The following FMN1 variants were observed in gnomAD, a reference collection of about 807,000 sequenced individuals.
FMN1 encodes the protein formin-1.
A neutral mutation model predicts 132.4 loss-of-function variants in FMN1; 110 were observed. That is an observed-to-expected ratio of 0.83 (90% CI 0.71 to 0.97). The LOEUF is 0.97. FMN1 is among the 50% of genes least tolerant of loss of function. The pLI is 0.00. For missense variants in FMN1, 1,792 were observed against 1,705.3 expected, an observed-to-expected ratio of 1.05 and a Z score of -0.90; for synonymous variants, 722 against 651.7, an observed-to-expected ratio of 1.11 and a Z score of -1.64.
chr15:32,946,043 C>T (rs201834897), intron 9 of FMN1, among the ~76,000 whole-genome samples: 2 of 152,104 alleles, frequency 1.3e-5, no homozygotes, highest in East Asian at 3.8e-4. Flanking sequence ...CACTGAGTTC[C>T]TTCCATGAAT....
intron 17 of FMN1, among the ~76,000 whole-genome samples, chr15:32,821,108 T>TTTTTTTTTTTTTTTTTTTTG: frequency 6.6e-6 from 1 of 150,750 alleles, no homozygotes; most frequent in East Asian, 2.0e-4. Flanking sequence ...ACAGATTTTC[T>TTTTTTTTTTTTTTTTTTTTG]AAGATACAAT....
At chr15:33,080,486 C>G (rs1270239717) in intron 5 of FMN1, among the ~76,000 whole-genome samples, 6 of 152,200 alleles carry the variant, frequency 3.9e-5, no homozygotes, top group African/African-American at 1.4e-4. Flanking sequence ...GGTGCAGTGG[C>G]TAATGCCTGT....
At chr15:33,124,243 T>A (rs746818026) in intron 4 of FMN1, among the ~76,000 whole-genome samples, 2 of 148,964 alleles carry the variant, frequency 1.3e-5, no homozygotes, top group Non-Finnish European at 2.9e-5. Context: ...AGGAAACAGA[T>A]GTTATGTGGA....
rs2056127168 is a variant in FMN1 at position 32,768,655 on chromosome 15, GTCT to G, written c.*5652_*5654del. The G allele has an allele frequency of 2.0e-5, 3 of 152,284 alleles. No individual in the cohort carries two copies. Among genetic ancestry groups the G allele is most frequent in the African/African-American group, 7.2e-5 (3 of 41,544 alleles). 9.4% of individuals were successfully genotyped at this position (152,284 alleles called of 1,614,324 possible). On this transcript the variant is annotated 3_prime_UTR_variant, in exon 21 of 21. Coordinates refer to ENST00000616417, the MANE Select transcript of FMN1 (RefSeq NM_001277313.2). Reference sequence around the variant, plus strand: ...ACGTGATTTTCTGCCTGAAACTATAGTCTTCTTTGCATTTTGCTGGCCCAATGT... The same window carrying G: ...ACGTGATTTTCTGCCTGAAACTATAGTCTTTGCATTTTGCTGGCCCAATGT...
Position 33,180,267 on chromosome 15 carries a change from G to GT in FMN1, c.-196-6dup, listed in dbSNP as rs1965649909. On this transcript the variant is annotated splice_region_variant and splice_polypyrimidine_tract_variant and intron_variant, in intron 2 of 20. Transcript: ENST00000616417. ...AAAAACGTGATGCCACCAGGCCTGT[G>GT]TAAAAAAAAAAAAAAAAATCAAGGC... is the stretch of plus-strand genomic sequence containing the variant. The GT allele has an allele frequency of 7.5e-6, 1 of 133,046 alleles. No homozygotes were observed. Among genetic ancestry groups the GT allele is most frequent in the South Asian group, 2.2e-4 (1 of 4,446 alleles). The allele number at this position is 133,046 out of a possible 1,614,324, so 8.2% of individuals were successfully genotyped here.
rs868584546 is a variant in FMN1 at position 32,949,968 on chromosome 15, C to T, written c.3138+14139G>A. Among the ~76,000 whole-genome samples, 95 of 40,374 alleles carry T rather than the reference C, an allele frequency of 2.4e-3. 9 individuals carry two copies. In the African/African-American group the frequency reaches 0.024, roughly 10 times the overall value. The allele number at this position is 40,374 out of a possible 152,430, so 26.5% of individuals were successfully genotyped here. A position where few individuals can be genotyped will look rare whatever the true frequency, so the allele number is the denominator to read the frequency against. ...ATATATATATATATATATATATACA[C>T]ACATATATATACACACACATATATA... On this transcript the variant is annotated intron_variant, in intron 9 of 20. Transcript: ENST00000616417.
chr15:32,994,856 C>T (rs1450195839), intron 7 of FMN1, among the ~76,000 whole-genome samples: 1 of 152,164 alleles, frequency 6.6e-6, no homozygotes, highest in Non-Finnish European at 1.5e-5. Flanking sequence ...GTACATTAAG[C>T]ACTGCCTATG....
chr15:33,008,433 G>A (rs999206603), intron 6 of FMN1, among the ~76,000 whole-genome samples: 6 of 152,076 alleles, frequency 3.9e-5, no homozygotes, highest in African/African-American at 9.7e-5. Context: ...CTTAAGAGCA[G>A]ACAGGGCAGG....
At chr15:33,170,048 C>A (rs551203466) in intron 3 of FMN1, among the ~76,000 whole-genome samples, 1 of 152,140 alleles carries the variant, frequency 6.6e-6, no homozygotes, top group Non-Finnish European at 1.5e-5. Flanking sequence ...TATATCAAGT[C>A]TTTCTTCTAA....
chr15:32,767,835 A>C lies in FMN1; in HGVS notation c.*6475T>G, dbSNP rs2056098390. On this transcript the variant is annotated 3_prime_UTR_variant, in exon 21 of 21. Coordinates refer to ENST00000616417, the MANE Select transcript of FMN1 (RefSeq NM_001277313.2). ...GCGAGCAAACAGAAGAATTGATACT[A>C]GACTTTCCCTCTCACTCATGGATTT... 6.6e-6 allele frequency: 1 copy of C among 152,164 alleles called. No homozygotes were observed. Among genetic ancestry groups the C allele is most frequent in the Non-Finnish European group, 1.5e-5 (1 of 68,028 alleles). The allele number at this position is 152,164 out of a possible 1,614,324, so 9.4% of individuals were successfully genotyped here.
chr15:32,893,377 T>TGTGTGCGCGCTC (rs1555488058), intron 15 of FMN1, among the ~76,000 whole-genome samples: 4,150 of 152,314 alleles, frequency 0.027, 205 homozygotes, highest in African/African-American at 0.094. Flanking sequence ...TGCGTGTGTG[T>TGTGTGCGCGCTC]GTGTGCGCGC....
At chr15:32,830,531 CT>C (rs1263735775) in intron 17 of FMN1, among the ~76,000 whole-genome samples, 3 of 152,010 alleles carry the variant, frequency 2.0e-5, no homozygotes, top group Non-Finnish European at 4.4e-5. Flanking sequence ...AAATTCTTTC[CT>C]TTTTTGGACA....
At chr15:33,118,743 A>C (rs1001260919) in intron 4 of FMN1, among the ~76,000 whole-genome samples, 12 of 152,174 alleles carry the variant, frequency 7.9e-5, no homozygotes, top group Non-Finnish European at 1.8e-4. Context: ...TGGTTAAATA[A>C]TCTAGATTAA....
intron 9 of FMN1, among the ~76,000 whole-genome samples, chr15:32,939,041 G>A (rs1454905407): frequency 3.3e-5 from 5 of 152,174 alleles, no homozygotes; most frequent in African/African-American, 7.2e-5. Context: ...TCTCCACTAA[G>A]CACTGGTATT....
intron 17 of FMN1, among the ~76,000 whole-genome samples, chr15:32,845,012 T>C (rs531856985): frequency 2.6e-5 from 4 of 152,246 alleles, no homozygotes; most frequent in East Asian, 1.9e-4. Context: ...CTTTCCAGAA[T>C]TGGACATTGT....
intron 17 of FMN1, among the ~76,000 whole-genome samples, chr15:32,853,289 C>T (rs78117613): frequency 0.041 from 6,176 of 152,198 alleles, 417 homozygotes; most frequent in African/African-American, 0.13. Flanking sequence ...ATTCTATATG[C>T]CTAATTATAG....
intron 17 of FMN1, among the ~76,000 whole-genome samples, chr15:32,809,812 C>CTT (rs1057034492): frequency 1.4e-4 from 22 of 152,288 alleles, no homozygotes; most frequent in African/African-American, 5.3e-4. Context: ...AGGTCACTGG[C>CTT]TTGCAGCTGG....
At chr15:33,045,583 A>G (rs2141142435) in intron 6 of FMN1, among the ~76,000 whole-genome samples, 1 of 152,186 alleles carries the variant, frequency 6.6e-6, no homozygotes, top group East Asian at 1.9e-4. Context: ...TCTTCATGCA[A>G]ATTTCTGTTC....
chr15:33,065,209 GAT>G (rs911280267), intron 5 of FMN1, 135 bp from the exon 6 acceptor site: 8 of 552,918 alleles, frequency 1.4e-5, no homozygotes, highest in Non-Finnish European at 2.5e-5. Context: ...CTATAATTCA[GAT>G]ATCTCACTAT....
Sources: gnomAD v4.1 joint callset for allele counts (sites outside exome capture counted in the v4.1 genomes callset) on GRCh38, gnomAD v4.1.1 for gene constraint, MANE v1.5 for transcripts, NCBI Gene and HGNC (gene_info 2026-07-23, HGNC 2026-07-21) for gene names.